The following PODXL variants were observed in gnomAD, a reference collection of about 807,000 sequenced individuals.
The protein encoded by PODXL is podocalyxin.
PODXL carries 20 observed loss-of-function variants against 48.9 expected under a neutral mutation model. The ratio of observed to expected loss-of-function variants is 0.41; its 90% CI spans 0.29 to 0.59. PODXL has a LOEUF of 0.59. Among genes scored for constraint, PODXL ranks in the 20% least tolerant of loss-of-function variants. The probability of loss-of-function intolerance (pLI) is 0.31; values close to 1 mark genes in which losing one functional copy is unlikely to be tolerated. For missense variants in PODXL, 606 were observed against 675.1 expected (o/e 0.90, Z 1.13); for synonymous variants, 295 against 287.4 (o/e 1.03, Z -0.27).
At chr7:131,517,975 G>A (rs1798029476) in intron 1 of PODXL, among the ~76,000 whole-genome samples, 1 of 152,126 alleles carries the variant, frequency 6.6e-6, no homozygotes. Flanking sequence ...CTGACCTCAG[G>A]CGATCCACCC....
At chr7:131,552,701 G>A (rs921582171) in intron 1 of PODXL, among the ~76,000 whole-genome samples, 6 of 152,062 alleles carry the variant, frequency 3.9e-5, no homozygotes, top group East Asian at 1.9e-4. Context: ...TCCTAACCCC[G>A]CCATGTCCAG....
At chr7:131,545,707 G>T (rs1798564561) in intron 1 of PODXL, among the ~76,000 whole-genome samples, 1 of 152,206 alleles carries the variant, frequency 6.6e-6, no homozygotes, top group African/African-American at 2.4e-5. Context: ...TTAAACAAAG[G>T]TAATAAGTAA....
At chr7:131,540,961 C>T (rs900613831) in intron 1 of PODXL, among the ~76,000 whole-genome samples, 1 of 152,234 alleles carries the variant, frequency 6.6e-6, no homozygotes, top group South Asian at 2.1e-4. Context: ...GTCTGGTGGA[C>T]ACTGAAGGTT....
At chr7:131,506,203 G>C in intron 7 of PODXL, 57 bp downstream of exon 7, 9 of 1,583,214 alleles carry the variant, frequency 5.7e-6, no homozygotes, top group Non-Finnish European at 7.8e-6. Context: ...GGAGTAACCA[G>C]ACCTCCCACA....
At chr7:131,524,379 C>CAAAGAGAGAGAGAGAGAGAGAG (rs746255906) in intron 1 of PODXL, among the ~76,000 whole-genome samples, 1 of 104,052 alleles carries the variant, frequency 9.6e-6, no homozygotes, top group African/African-American at 2.8e-5. Context: ...CACACACACA[C>CAAAGAGAGAGAGAGAGAGAGAG]AGAGAGAGAG....
rs1457730297 is a variant in PODXL, at chr7:131,503,194, C to G, written c.*1117G>C. On this transcript the variant is annotated 3_prime_UTR_variant, in exon 9 of 9. Transcript: ENST00000378555. ...TTTCCTATGATATACAGGGGAAAGC[C>G]TGTCCTTCCTGGCTGCTTTAATGGA... is the stretch of plus-strand genomic sequence containing the variant. The G allele has an allele frequency of 1.3e-5, 2 of 152,668 alleles. No individual in the cohort carries two copies. Among genetic ancestry groups the G allele is most frequent in the Non-Finnish European group, 2.9e-5 (2 of 68,058 alleles). 9.5% of individuals were successfully genotyped at this position (152,668 alleles called of 1,614,324 possible). A position where few individuals can be genotyped will look rare whatever the true frequency, so the allele number is the denominator to read the frequency against.
chr7:131,526,026 C>G (rs1259899321), intron 1 of PODXL, among the ~76,000 whole-genome samples: 1 of 152,146 alleles, frequency 6.6e-6, no homozygotes, highest in Non-Finnish European at 1.5e-5. Flanking sequence ...CTCAGAGCAT[C>G]TGGAAGCAGT....
At chr7:131,521,578 C>G (rs1435432074) in intron 1 of PODXL, among the ~76,000 whole-genome samples, 1 of 152,002 alleles carries the variant, frequency 6.6e-6, no homozygotes, top group African/African-American at 2.4e-5. Flanking sequence ...CGTGATGGAC[C>G]CACCTCGGCT....
Position 131,503,027 on chromosome 7 carries a change from C to T in PODXL, c.*1284G>A, listed in dbSNP as rs1212152123. On this transcript the variant is annotated 3_prime_UTR_variant, in exon 9 of 9. Coordinates refer to ENST00000378555, the MANE Select transcript of PODXL (RefSeq NM_001018111.3). ...CACTGCGCTTTCCAGGCCCTCTTTT[C>T]CTGTGGCACAGGAGAATCAGAGTGA... 2 of 152,720 alleles carry T rather than the reference C, an allele frequency of 1.3e-5. No individual in the cohort carries two copies. The highest frequency in any genetic ancestry group is 2.9e-5 in the Non-Finnish European group (2 of 68,104). 9.5% of individuals were successfully genotyped at this position (152,720 alleles called of 1,614,324 possible). A position where few individuals can be genotyped will look rare whatever the true frequency, so the allele number is the denominator to read the frequency against.
At chr7:131,546,709 C>G (rs1798581457) in intron 1 of PODXL, among the ~76,000 whole-genome samples, 2 of 116,676 alleles carry the variant, frequency 1.7e-5, no homozygotes, top group African/African-American at 3.3e-5. Flanking sequence ...CTGGGCAACA[C>G]AGTGAGGCCC....
intron 1 of PODXL, among the ~76,000 whole-genome samples, chr7:131,551,639 A>G (rs1798668080): frequency 6.6e-6 from 1 of 152,088 alleles, no homozygotes; most frequent in South Asian, 2.1e-4. Flanking sequence ...ACTTCCCTTA[A>G]GAGTGAAGGG....
intron 1 of PODXL, among the ~76,000 whole-genome samples, chr7:131,529,515 G>A (rs1237849733): frequency 6.6e-6 from 1 of 152,048 alleles, no homozygotes; most frequent in African/African-American, 2.4e-5. Context: ...AGGAGGCCAG[G>A]GAGGAGGTGG....
intron 1 of PODXL, 116 bp from the exon 2 acceptor site, chr7:131,511,549 T>A: frequency 2.9e-6 from 3 of 1,037,756 alleles, no homozygotes; most frequent in Non-Finnish European, 4.2e-6. Context: ...TCTGCCTTGC[T>A]AAAGGCCTGG....
chr7:131,519,421 T>C (rs1002272865), intron 1 of PODXL, among the ~76,000 whole-genome samples: 2 of 152,092 alleles, frequency 1.3e-5, no homozygotes, highest in African/African-American at 2.4e-5. Context: ...GTCCTCTATC[T>C]ACCACCTTCA....
intron 1 of PODXL, 81 bp downstream of exon 1, chr7:131,556,179 C>T: frequency 2.2e-6 from 3 of 1,353,006 alleles, no homozygotes; most frequent in Non-Finnish European, 9.5e-7. Flanking sequence ...ACGCGGCGCG[C>T]CGGGCTTCCC....
At chr7:131,541,599 G>A (rs1798483178) in intron 1 of PODXL, among the ~76,000 whole-genome samples, 1 of 151,442 alleles carries the variant, frequency 6.6e-6, no homozygotes, top group Admixed American at 6.6e-5. Flanking sequence ...GCAGATAATT[G>A]CTCGAACCTG....
intron 8 of PODXL, among the ~76,000 whole-genome samples, chr7:131,505,059 G>A (rs188710181): frequency 2.6e-5 from 4 of 152,270 alleles, no homozygotes; most frequent in Admixed American, 2.6e-4. Context: ...TGGACTCAGA[G>A]ATTGTTTGAA....
At position 131,502,229 on chromosome 7, in the gene PODXL, G is replaced by A. The variant is rs185417001; in HGVS notation, c.*2082C>T. 1.3e-5 allele frequency: 2 copies of A among 152,252 alleles called. No homozygotes were observed. Among genetic ancestry groups the A allele is most frequent in the African/African-American group, 2.4e-5 (1 of 41,436 alleles). 9.4% of individuals were successfully genotyped at this position (152,252 alleles called of 1,614,324 possible). On this transcript the variant is annotated 3_prime_UTR_variant, in exon 9 of 9. Coordinates refer to ENST00000378555, the MANE Select transcript of PODXL (RefSeq NM_001018111.3). ...ACCTACTGGGTGGAGAGAACCCAGC[G>A]CTGGGCAAGAAGGAAGCAAACACCT... is the stretch of plus-strand genomic sequence containing the variant.
intron 1 of PODXL, among the ~76,000 whole-genome samples, chr7:131,554,871 C>T (rs546247016): frequency 2.6e-5 from 4 of 152,292 alleles, no homozygotes; most frequent in African/African-American, 7.2e-5. Context: ...ACCATACTCT[C>T]GTGTCATCTC....
Sources: allele counts gnomAD v4.1 joint callset (sites outside exome capture counted in the v4.1 genomes callset), GRCh38; gene constraint gnomAD v4.1.1; transcripts MANE v1.5; gene names NCBI Gene and HGNC (gene_info 2026-07-23, HGNC 2026-07-21).